The following MICA variants were observed in gnomAD, a reference collection of about 807,000 sequenced individuals.
The protein encoded by MICA is MHC class I polypeptide-related sequence A, also known as HLA class I antigen.
MICA carries 18 observed loss-of-function variants against 34.3 expected under a neutral mutation model. That is an observed-to-expected ratio of 0.52 (90% CI 0.36 to 0.78). MICA has a LOEUF of 0.78. Among genes scored for constraint, MICA ranks in the 30% least tolerant of loss-of-function variants. The pLI is 0.00. For missense variants in MICA, 333 were observed against 409.4 expected, an observed-to-expected ratio of 0.81 and a Z score of 1.61; for synonymous variants, 135 against 156.9, an observed-to-expected ratio of 0.86 and a Z score of 1.04.
upstream of MICA, among the ~76,000 whole-genome samples, chr6:31,402,581 G>A (rs12663041): frequency 2.0e-5 from 3 of 151,844 alleles, no homozygotes; most frequent in Non-Finnish European, 4.4e-5. Flanking sequence ...CAGTAATCTA[G>A]GCTGAAGGGA....
upstream of MICA, chr6:31,402,230 A>C (rs2596537): frequency 0.1 from 15,591 of 152,006 alleles, 1,216 homozygotes; most frequent in African/African-American, 0.16. Flanking sequence ...ATTAGTTGTA[A>C]ACACTGCACT....
rs1380496520 is a variant in MICA, at chr6:31,410,734, G to C, written c.262G>C (p.Asp88His). The C allele has an allele frequency of 6.2e-7, 1 of 1,604,408 alleles. No homozygotes were observed. The highest frequency in any genetic ancestry group is 1.3e-5 in the African/African-American group (1 of 74,576). ...GNKTWDRETR[D>H]LTGNGKDLRM... Reference sequence around the variant, plus strand: ...TAAGACATGGGACAGAGAGACCAGGGACTTGACAGGGAACGGAAAGGACCT... The same window carrying C: ...TAAGACATGGGACAGAGAGACCAGGCACTTGACAGGGAACGGAAAGGACCT... Residue 88 changes from aspartate to histidine, a missense_variant, in exon 2 of 6, where the codon GAC (aspartate) becomes CAC (histidine). Coordinates refer to ENST00000449934, the MANE Select transcript of MICA (RefSeq NM_001177519.3).
upstream of MICA, among the ~76,000 whole-genome samples, chr6:31,401,462 G>A (rs779741783): frequency 6.6e-6 from 1 of 151,632 alleles, no homozygotes; most frequent in Non-Finnish European, 1.5e-5. Context: ...AAGAAGAAAC[G>A]GACACATTTC....
chr6:31,411,889 T>A lies in MICA; in HGVS notation c.614-58T>A. The A allele has an allele frequency of 6.4e-7, 1 of 1,566,190 alleles. No individual in the cohort carries two copies. Among genetic ancestry groups the A allele is most frequent in the African/African-American group, 1.4e-5 (1 of 73,480 alleles). On this transcript the variant is annotated intron_variant, in intron 3 of 5. Coordinates refer to ENST00000449934, the MANE Select transcript of MICA (RefSeq NM_001177519.3). This position sits in a 1 kb window ranked among gnomAD's most constrained non-coding sequence, Gnocchi z 4.3. ...GAACAGTGAAGAGAAACAGCCCTGTTCCTCTCCCCTCCTTAGAGGGGAGCA... is the reference window on the plus strand; with the variant it reads ...GAACAGTGAAGAGAAACAGCCCTGTACCTCTCCCCTCCTTAGAGGGGAGCA...
chr6:31,408,663 A>G (rs112968142), intron 1 of MICA, among the ~76,000 whole-genome samples: 8,996 of 151,874 alleles, frequency 0.059, 356 homozygotes, highest in Middle Eastern at 0.082. Flanking sequence ...TTTAAGCAGA[A>G]TCATGTAATG....
At chr6:31,414,369 A>G (rs1354291540) in intron 5 of MICA, among the ~76,000 whole-genome samples, 2 of 152,064 alleles carry the variant, frequency 1.3e-5, no homozygotes, top group Non-Finnish European at 2.9e-5. Context: ...CGGTTACTCA[A>G]GAGCAGGTCA....
In MICA at chr6:31,415,300, A is replaced by T; in HGVS notation, c.*318A>T. On this transcript the variant is annotated 3_prime_UTR_variant, in exon 6 of 6. Transcript: ENST00000449934. ...ATGTTAGTAGATATGAGGCATTTGCAGCTGTGCCATATTAATTGGTGTCAT... is the reference window on the plus strand; with the variant it reads ...ATGTTAGTAGATATGAGGCATTTGCTGCTGTGCCATATTAATTGGTGTCAT... 2.1e-6 allele frequency: 1 copy of T among 471,388 alleles called. No homozygotes were observed. Among genetic ancestry groups the T allele is most frequent in the South Asian group, 2.4e-5 (1 of 42,072 alleles). The allele number at this position is 471,388 out of a possible 1,614,324, so 29.2% of individuals were successfully genotyped here. A position where few individuals can be genotyped will look rare whatever the true frequency, so the allele number is the denominator to read the frequency against.
At chr6:31,404,991 G>A (rs866960061) in intron 1 of MICA, among the ~76,000 whole-genome samples, 45 of 151,658 alleles carry the variant, frequency 3.0e-4, no homozygotes, top group South Asian at 6.2e-4. Context: ...TCTTTCAGTG[G>A]GAAAGTGGGA....
chr6:31,410,347 C>T (rs1771028781), intron 1 of MICA, among the ~76,000 whole-genome samples, 196 bp from the exon 2 acceptor site: 9 of 151,764 alleles, frequency 5.9e-5, no homozygotes. Flanking sequence ...CTTCATTCCC[C>T]CTTCTTCTGT....
chr6:31,414,862 AGGAG>A, intron 5 of MICA, 146 bp from the exon 6 acceptor site: 1 of 605,978 alleles, frequency 1.7e-6, no homozygotes, highest in Non-Finnish European at 2.9e-6. Context: ...GGGAAAAGCA[AGGAG>A]GGAGGAAGAA....
Position 31,406,304 on chromosome 6 carries a change from C to T in MICA, c.70+2602C>T, listed in dbSNP as rs145353667. 4.5e-3 allele frequency among the ~76,000 whole-genome samples: 681 copies of T among 151,772 alleles called. 55 individuals are homozygous for T. Among genetic ancestry groups the T allele is most frequent in the Admixed American group, 0.038 (580 of 15,152 alleles). ...GTTTTGATTTGCCTTCATCTGTTGA[C>T]GAATGATGTTGAGCACCTTTTCATA... On this transcript the variant is annotated intron_variant, in intron 1 of 5. Transcript: ENST00000449934.
chr6:31,409,129 T>A (rs1449107923), intron 1 of MICA, among the ~76,000 whole-genome samples: 4 of 152,016 alleles, frequency 2.6e-5, no homozygotes, highest in Non-Finnish European at 5.9e-5. Context: ...TACCACATCT[T>A]GGTTATCCAT....
intron 1 of MICA, among the ~76,000 whole-genome samples, chr6:31,409,268 C>T (rs551812924): frequency 6.7e-6 from 1 of 148,342 alleles, no homozygotes; most frequent in Non-Finnish European, 1.5e-5. Flanking sequence ...AGAAGCAGTA[C>T]ACAGGGGCTT....
rs754347037 is a variant in MICA, at chr6:31,415,055, G to A, written c.*73G>A. On this transcript the variant is annotated 3_prime_UTR_variant, in exon 6 of 6. Coordinates refer to ENST00000449934, the MANE Select transcript of MICA (RefSeq NM_001177519.3). ...TCCTGGATCAACACCCAGTTGGGAC[G>A]AGTGACCACAGGGATGCCACACAGC... The A allele has an allele frequency of 2.2e-5, 31 of 1,423,970 alleles. No homozygotes were observed. Among genetic ancestry groups the A allele is most frequent in the East Asian group, 1.9e-4 (8 of 41,778 alleles). 88.2% of individuals were successfully genotyped at this position (1,423,970 alleles called of 1,614,324 possible).
intron 5 of MICA, 50 bp downstream of exon 5, chr6:31,412,510 G>T: frequency 2.5e-6 from 3 of 1,183,264 alleles, no homozygotes; most frequent in Non-Finnish European, 3.6e-6. Context: ...TGTCTGGGCA[G>T]TAGGGTCCCC....
chr6:31,409,307 C>CTGTGTG (rs1491397090), intron 1 of MICA, among the ~76,000 whole-genome samples: 1 of 110,002 alleles, frequency 9.1e-6, no homozygotes, highest in African/African-American at 3.1e-5. Flanking sequence ...GCCAACCTTG[C>CTGTGTG]TCTGTGTGTG....
rs930623278 is a variant in MICA, at chr6:31,413,284, A to G, written c.*29+824A>G. Among the ~76,000 whole-genome samples the G allele has an allele frequency of 1.3e-4, 19 of 151,774 alleles. 1 individual carries two copies. The highest frequency in any genetic ancestry group is 4.6e-4 in the African/African-American group (19 of 41,218). On this transcript the variant is annotated intron_variant, in intron 5 of 5. Transcript: ENST00000449934. ...CAGGGCAGCTGTGGTCCCTGTTTTCATCCTACCTCCGAGTGTTTTCTTCTC... is the reference window on the plus strand; with the variant it reads ...CAGGGCAGCTGTGGTCCCTGTTTTCGTCCTACCTCCGAGTGTTTTCTTCTC...
intron 1 of MICA, among the ~76,000 whole-genome samples, chr6:31,404,821 C>A (rs1770663633): frequency 6.6e-6 from 1 of 151,350 alleles, no homozygotes. Context: ...GTGGCCCCTT[C>A]CCCACTCCTT....
intron 5 of MICA, among the ~76,000 whole-genome samples, chr6:31,414,786 G>A (rs746424381): frequency 1.3e-5 from 2 of 151,912 alleles, no homozygotes; most frequent in African/African-American, 2.4e-5. Context: ...CTCCCTGCAC[G>A]ATGAGTGGTG....
Sources: gnomAD v4.1 joint callset for allele counts (sites outside exome capture counted in the v4.1 genomes callset) on GRCh38, gnomAD v4.1.1 for gene constraint, Gnocchi (gnomAD v3.1) non-coding constraint, MANE v1.5 for transcripts, NCBI Gene and HGNC (gene_info 2026-07-23, HGNC 2026-07-21) for gene names.